The following ADARB2 variants were observed in gnomAD, a reference collection of about 807,000 sequenced individuals.
The protein encoded by ADARB2 is inactive double-stranded RNA-specific editase B2.
ADARB2 carries 25 observed loss-of-function variants against 62.2 expected under a neutral mutation model. That is an observed-to-expected ratio of 0.40 (90% confidence interval 0.29 to 0.56). The LOEUF (loss-of-function observed/expected upper bound fraction) is 0.56. ADARB2 is among the 20% of genes least tolerant of loss of function. ADARB2 has a pLI of 0.43. For missense variants in ADARB2, 1,071 were observed against 1,077.4 expected (o/e 0.99, Z 0.08); for synonymous variants, 572 against 500.8 (o/e 1.14, Z -1.90).
At chr10:1,305,368 T>C (rs886753879) in intron 3 of ADARB2, among the ~76,000 whole-genome samples, 9 of 152,020 alleles carry the variant, frequency 5.9e-5, no homozygotes, top group African/African-American at 1.7e-4. Flanking sequence ...GTTGAATCTC[T>C]GAATAGACCA....
chr10:1,526,017 G>A (rs59145189), intron 1 of ADARB2, among the ~76,000 whole-genome samples: 4,859 of 152,312 alleles, frequency 0.032, 238 homozygotes, highest in African/African-American at 0.11. Flanking sequence ...GCACGTGTTT[G>A]TGTATGTGTG....
chr10:1,637,641 A>G (rs987412479), intron 1 of ADARB2, among the ~76,000 whole-genome samples: 2 of 152,158 alleles, frequency 1.3e-5, no homozygotes, highest in African/African-American at 2.4e-5. Flanking sequence ...TAACAGTATG[A>G]TTCTTCTGAT....
At chr10:1,362,546 C>G (rs1832268153) in intron 3 of ADARB2, among the ~76,000 whole-genome samples, 1 of 152,172 alleles carries the variant, frequency 6.6e-6, no homozygotes, top group African/African-American at 2.4e-5. Flanking sequence ...CAGCTCCCCA[C>G]TCTCGCTCCG....
At chr10:1,444,311 AC>A (rs1294380462) in intron 1 of ADARB2, among the ~76,000 whole-genome samples, 16 of 95,892 alleles carry the variant, frequency 1.7e-4, no homozygotes, top group East Asian at 1.4e-3. Context: ...CCATCCATCC[AC>A]TCATTCATCC....
chr10:1,502,787 G>T (rs1266554367), intron 1 of ADARB2, among the ~76,000 whole-genome samples: 2 of 152,176 alleles, frequency 1.3e-5, no homozygotes, highest in East Asian at 3.8e-4. Flanking sequence ...GATGGAAAAA[G>T]AAACGGGATC....
At chr10:1,464,061 A>T (rs1450906516) in intron 1 of ADARB2, among the ~76,000 whole-genome samples, 2 of 152,014 alleles carry the variant, frequency 1.3e-5, no homozygotes, top group Non-Finnish European at 2.9e-5. Context: ...AAGGATGTGG[A>T]GGGGCCAGGA....
chr10:1,208,780 AGGGAGGGCCTGGTTCCTGCCCTCT>A (rs1377527795), intron 7 of ADARB2, among the ~76,000 whole-genome samples: 5 of 152,216 alleles, frequency 3.3e-5, no homozygotes, highest in Admixed American at 6.5e-5. Flanking sequence ...TAAGTGCCAC[AGGGAGGGCCTGGTTCCTGCCCTCT>A]GGGAGGGCCT....
chr10:1,241,836 C>T lies in ADARB2; in HGVS notation c.1361+295G>A, dbSNP rs369846220. ...CAGGAATGTGGGGGGCATGGGGAAC[C>T]GAGGCCAGGAGAGGGTGGCCTTGCC... On this transcript the variant is annotated intron_variant, in intron 5 of 9. Transcript: ENST00000381312. Among the ~76,000 whole-genome samples the T allele has an allele frequency of 5.9e-5, 9 of 152,282 alleles. 1 individual carries two copies. The highest frequency in any genetic ancestry group is 2.1e-4 in the South Asian group (1 of 4,828).
At chr10:1,576,147 T>TCACAGGAAGGGGC (rs1564335643) in intron 1 of ADARB2, among the ~76,000 whole-genome samples, 1 of 41,206 alleles carries the variant, frequency 2.4e-5, no homozygotes, top group Non-Finnish European at 4.4e-5. Context: ...AAGAGGGGGG[T>TCACAGGAAGGGGC]CCACGGTCAC....
At chr10:1,661,965 C>T (rs889755610) in intron 1 of ADARB2, among the ~76,000 whole-genome samples, 4 of 152,144 alleles carry the variant, frequency 2.6e-5, no homozygotes, top group South Asian at 2.1e-4. Flanking sequence ...ACTGAGGCAG[C>T]GGCAGACGCT....
At chr10:1,370,775 G>C (rs940212601) in intron 2 of ADARB2, among the ~76,000 whole-genome samples, 1 of 152,160 alleles carries the variant, frequency 6.6e-6, no homozygotes, top group African/African-American at 2.4e-5. Flanking sequence ...TACAAGGAGA[G>C]CTACAAAACA....
At chr10:1,666,549 C>T (rs910020105) in intron 1 of ADARB2, among the ~76,000 whole-genome samples, 2 of 152,246 alleles carry the variant, frequency 1.3e-5, no homozygotes, top group African/African-American at 4.8e-5. Context: ...CTCCCTGCTT[C>T]CCATGGTCTG....
chr10:1,287,265 A>C (rs533670365), intron 3 of ADARB2, among the ~76,000 whole-genome samples: 2 of 152,382 alleles, frequency 1.3e-5, no homozygotes, highest in African/African-American at 4.8e-5. Flanking sequence ...TTTTATTCTT[A>C]ATTCACAAAT....
intron 1 of ADARB2, among the ~76,000 whole-genome samples, chr10:1,498,877 C>A (rs1831725323): frequency 6.6e-6 from 1 of 151,870 alleles, no homozygotes; most frequent in South Asian, 2.1e-4. Context: ...ATCATTCAGT[C>A]ATTACTCATT....
chr10:1,335,827 C>T (rs749026860), intron 3 of ADARB2, among the ~76,000 whole-genome samples: 17 of 152,184 alleles, frequency 1.1e-4, no homozygotes, highest in Admixed American at 2.0e-4. Context: ...CACTGCCAGG[C>T]TTATCCTGCT....
chr10:1,221,913 A>G (rs556673062), intron 6 of ADARB2, among the ~76,000 whole-genome samples: 18 of 152,328 alleles, frequency 1.2e-4, no homozygotes, highest in African/African-American at 4.1e-4. Context: ...ATGATTTATA[A>G]TCCCTTGGGT....
chr10:1,220,041 AATGG>A (rs1830672421), intron 6 of ADARB2, among the ~76,000 whole-genome samples: 1 of 60,178 alleles, frequency 1.7e-5, no homozygotes, highest in African/African-American at 6.7e-5. Context: ...TGATGATGGT[AATGG>A]TGATGGTGGT....
chr10:1,717,812 A>G (rs144403312), intron 1 of ADARB2, among the ~76,000 whole-genome samples: 241 of 152,222 alleles, frequency 1.6e-3, no homozygotes, highest in Non-Finnish European at 2.4e-3. Context: ...TCTTGACCTC[A>G]AGTGATCCAC....
chr10:1,469,209 T>G (rs1200216019), intron 1 of ADARB2, among the ~76,000 whole-genome samples: 1 of 149,448 alleles, frequency 6.7e-6, no homozygotes, highest in Non-Finnish European at 1.5e-5. Flanking sequence ...ACAGCAGAAC[T>G]AACAGAGCAG....
Sources: allele counts gnomAD v4.1 joint callset (sites outside exome capture counted in the v4.1 genomes callset), GRCh38; gene constraint gnomAD v4.1.1; transcripts MANE v1.5; gene names NCBI Gene and HGNC (gene_info 2026-07-23, HGNC 2026-07-21).